The following CC2D2B variants were observed in gnomAD, a reference collection of about 807,000 sequenced individuals.
CC2D2B encodes the protein protein CC2D2B.
In CC2D2B, 128 loss-of-function variants were observed where a neutral mutation model predicts 161.2. The observed-to-expected ratio is 0.79, with a 90% confidence interval of 0.69 to 0.92. The LOEUF is 0.92. Ranked by LOEUF, CC2D2B falls within the 40% of genes least tolerant of loss-of-function variation. The pLI is 0.00. For synonymous variants in CC2D2B, 391 were observed against 449.8 expected, an observed-to-expected ratio of 0.87 and a Z score of 1.65; for missense variants, 1,173 against 1,375.1, an observed-to-expected ratio of 0.85 and a Z score of 2.32.
intron 34 of CC2D2B, among the ~76,000 whole-genome samples, chr10:96,029,276 A>G (rs867484680): frequency 1.3e-3 from 70 of 54,650 alleles, no homozygotes; most frequent in Non-Finnish European, 1.6e-3. Context: ...ATATATATAT[A>G]TATATATATG....
At chr10:95,947,091 A>ATC (rs2076228963) in intron 9 of CC2D2B, among the ~76,000 whole-genome samples, 1 of 29,562 alleles carries the variant, frequency 3.4e-5, no homozygotes, top group Admixed American at 4.0e-4. Flanking sequence ...AAATATATAT[A>ATC]TATATATATA....
chr10:96,013,947 A>G, intron 29 of CC2D2B, 70 bp downstream of exon 29: 1 of 719,030 alleles, frequency 1.4e-6, no homozygotes, highest in Non-Finnish European at 2.0e-6. Context: ...TTTTAAAAAT[A>G]TTATGTATTT....
intron 22 of CC2D2B, 119 bp downstream of exon 22, chr10:95,992,816 G>T (rs2078007199): frequency 3.2e-6 from 2 of 633,470 alleles, no homozygotes; most frequent in Non-Finnish European, 4.5e-6. Flanking sequence ...TACATAAAAT[G>T]AATGAAAATT....
intron 18 of CC2D2B, 103 bp from the exon 19 acceptor site, chr10:95,983,503 C>T (rs2077609182): frequency 4.4e-6 from 2 of 449,986 alleles, no homozygotes; most frequent in South Asian, 2.5e-4. Context: ...CCATTTCCTA[C>T]TTATATTGCC....
chr10:95,944,565 CTT>C (rs2076131922), intron 9 of CC2D2B, among the ~76,000 whole-genome samples: 1 of 152,118 alleles, frequency 6.6e-6, no homozygotes, highest in South Asian at 2.1e-4. Context: ...GGGATCATTG[CTT>C]TTAGGAGAGA....
chr10:95,971,982 A>T (rs908314134), intron 15 of CC2D2B, 84 bp from the exon 16 acceptor site: 5 of 667,006 alleles, frequency 7.5e-6, no homozygotes, highest in Non-Finnish European at 1.1e-5. Context: ...TATTTAAAAA[A>T]ATATATGTTG....
chr10:96,020,080 A>G (rs1165999370), intron 32 of CC2D2B: 2 of 349,914 alleles, frequency 5.7e-6, no homozygotes, highest in Non-Finnish European at 1.0e-5. Context: ...TTTTTTCACC[A>G]TAAAACATAA....
chr10:95,928,141 C>T (rs2098542868), intron 6 of CC2D2B, among the ~76,000 whole-genome samples: 1 of 152,138 alleles, frequency 6.6e-6, no homozygotes, highest in Non-Finnish European at 1.5e-5. Flanking sequence ...TGCCTTCCTA[C>T]TTCCACCTCC....
chr10:95,937,044 G>C (rs529314109), intron 6 of CC2D2B, among the ~76,000 whole-genome samples: 4 of 152,202 alleles, frequency 2.6e-5, no homozygotes, highest in Admixed American at 2.0e-4. Context: ...GAAGATTTCT[G>C]GATATAAAAT....
rs1308114631 is a variant in CC2D2B at position 95,996,127 on chromosome 10, T to A, written c.2740-16T>A. ...TAGTATTTCAAAATCTAGTCAATGT[T>A]TATTATGTGTTTCAGGATACTGTAC... On this transcript the variant is annotated splice_polypyrimidine_tract_variant and intron_variant, in intron 23 of 34. Coordinates refer to ENST00000646931, the MANE Select transcript of CC2D2B (RefSeq NM_001349008.3). 5 of 1,247,234 alleles carry A rather than the reference T, an allele frequency of 4.0e-6. No individual in the cohort carries two copies. In the East Asian group the frequency reaches 1.3e-4, roughly 32 times the overall value. 77.3% of individuals were successfully genotyped at this position (1,247,234 alleles called of 1,614,324 possible). A position where few individuals can be genotyped will look rare whatever the true frequency, so the allele number is the denominator to read the frequency against.
chr10:95,993,472 G>T (rs1011210663), intron 22 of CC2D2B, among the ~76,000 whole-genome samples: 1 of 152,002 alleles, frequency 6.6e-6, no homozygotes, highest in African/African-American at 2.4e-5. Context: ...CACAGCTCAT[G>T]AATTCTTCCT....
intron 22 of CC2D2B, among the ~76,000 whole-genome samples, chr10:95,993,673 ATGC>A (rs1258341346): frequency 6.7e-6 from 1 of 149,828 alleles, no homozygotes; most frequent in Non-Finnish European, 1.5e-5. Context: ...TATAAGCATC[ATGC>A]TGCTAAAAAA....
At chr10:95,943,085 A>G (rs2076077354) in intron 9 of CC2D2B, among the ~76,000 whole-genome samples, 1 of 152,022 alleles carries the variant, frequency 6.6e-6, no homozygotes, top group African/African-American at 2.4e-5. Flanking sequence ...AGTAGTTTCT[A>G]TTCAGTGTGA....
intron 9 of CC2D2B, among the ~76,000 whole-genome samples, chr10:95,941,293 C>G (rs1183197541): frequency 6.6e-6 from 1 of 152,078 alleles, no homozygotes; most frequent in South Asian, 2.1e-4. Flanking sequence ...CAGTGGTTTC[C>G]TGGATATGAC....
At chr10:95,991,299 G>A (rs572153045) in intron 20 of CC2D2B, 71 bp from the exon 21 acceptor site, 51 of 432,046 alleles carry the variant, frequency 1.2e-4, no homozygotes, top group African/African-American at 9.0e-4. Flanking sequence ...TACTGGCACC[G>A]GTAGCATTGT....
chr10:95,954,374 C>A (rs903699681), intron 10 of CC2D2B, among the ~76,000 whole-genome samples: 1 of 152,016 alleles, frequency 6.6e-6, no homozygotes, highest in African/African-American at 2.4e-5. Flanking sequence ...CATTTATTTC[C>A]CTATTGATTT....
At chr10:95,938,367 T>C (rs2075901107) in intron 7 of CC2D2B, 178 bp downstream of exon 7, 1 of 612,058 alleles carries the variant, frequency 1.6e-6, no homozygotes, top group East Asian at 2.8e-5. Context: ...TCATTCTTCA[T>C]TTAAAAAATG....
In CC2D2B at chr10:95,992,659, G is replaced by A; in HGVS notation, c.2604G>A (p.Arg868=). Reference sequence around the variant, plus strand: ...TTAAGATTCTTGTCCGAATAGTGAGGGCCTATAATATTCCTACCAGAAAAA... The same window carrying A: ...TTAAGATTCTTGTCCGAATAGTGAGAGCCTATAATATTCCTACCAGAAAAA... ...GDIKILVRIV[R]AYNIPTRKTT... is the part of the protein sequence containing the mutation. The change falls in exon 22 of 35, where the codon AGG becomes AGA. Residue 868 remains arginine (R), a synonymous_variant. Transcript: ENST00000646931. The A allele has an allele frequency of 8.1e-7, 1 of 1,234,114 alleles. No individual in the cohort carries two copies. Among genetic ancestry groups the A allele is most frequent in the Non-Finnish European group, 1.0e-6 (1 of 988,042 alleles). The allele number at this position is 1,234,114 out of a possible 1,614,324, so 76.4% of individuals were successfully genotyped here.
intron 33 of CC2D2B, 23 bp from the exon 34 acceptor site, chr10:96,027,189 T>C: frequency 6.8e-7 from 1 of 1,461,340 alleles, no homozygotes; most frequent in Non-Finnish European, 9.1e-7. Context: ...TGTCATAAAA[T>C]TACCTTTGGA....
Sources: allele counts gnomAD v4.1 joint callset (sites outside exome capture counted in the v4.1 genomes callset), GRCh38; gene constraint gnomAD v4.1.1; transcripts MANE v1.5; gene names NCBI Gene and HGNC (gene_info 2026-07-23, HGNC 2026-07-21).